Variants in AP3B1 observed in about 807,000 individuals in gnomAD.
AP3B1 encodes AP-3 complex subunit beta-1.
Under a neutral mutation model 132.5 loss-of-function variants are expected in AP3B1, and 61 were observed. The ratio of observed to expected loss-of-function variants is 0.46; its 90% CI spans 0.37 to 0.57. AP3B1 has a LOEUF of 0.57. AP3B1 is among the 20% of genes least tolerant of loss of function. The pLI, the probability that AP3B1 is intolerant of heterozygous loss-of-function variation, is 0.00. For synonymous variants in AP3B1, 388 were observed against 438.3 expected, an observed-to-expected ratio of 0.89 and a Z score of 1.43; for missense variants, 1,120 against 1,289.4, an observed-to-expected ratio of 0.87 and a Z score of 2.01.
intron 22 of AP3B1, among the ~76,000 whole-genome samples, chr5:78,058,464 C>T (rs1262169921): frequency 6.6e-6 from 1 of 151,804 alleles, no homozygotes; most frequent in Non-Finnish European, 1.5e-5. Flanking sequence ...CGCGCCATTG[C>T]ACTGCAGCCT....
intron 22 of AP3B1, among the ~76,000 whole-genome samples, chr5:78,064,857 T>A (rs1301247980): frequency 6.6e-6 from 1 of 152,172 alleles, no homozygotes; most frequent in Non-Finnish European, 1.5e-5. Flanking sequence ...ATGGGCTTGA[T>A]GGGAATAATT....
intron 3 of AP3B1, among the ~76,000 whole-genome samples, chr5:78,238,993 A>T (rs927059439): frequency 1.3e-5 from 2 of 151,274 alleles, no homozygotes; most frequent in Admixed American, 1.3e-4. Context: ...AAAAGAAATG[A>T]GAAGGTTGGA....
intron 7 of AP3B1, among the ~76,000 whole-genome samples, chr5:78,200,327 T>C (rs536928632): frequency 6.6e-6 from 1 of 152,254 alleles, no homozygotes; most frequent in African/African-American, 2.4e-5. Flanking sequence ...TTCAATTATC[T>C]AGTTATGGTT....
At chr5:78,215,933 A>C in intron 7 of AP3B1, 122 bp downstream of exon 7, 1 of 872,966 alleles carries the variant, frequency 1.1e-6, no homozygotes, top group Non-Finnish European at 1.8e-6. Context: ...ACAAGAGACA[A>C]ATGAGTCTTC....
At chr5:78,277,644 A>C (rs931917020) in intron 1 of AP3B1, among the ~76,000 whole-genome samples, 1 of 152,192 alleles carries the variant, frequency 6.6e-6, no homozygotes, top group Non-Finnish European at 1.5e-5. Flanking sequence ...AAAGAATCCA[A>C]AAGAAGATCT....
intron 21 of AP3B1, among the ~76,000 whole-genome samples, chr5:78,090,118 T>C (rs1044850909): frequency 6.6e-6 from 1 of 152,184 alleles, no homozygotes; most frequent in Non-Finnish European, 1.5e-5. Context: ...GGCTCATAAC[T>C]GCCTACAAGA....
chr5:78,095,363 C>A (rs759879298), intron 21 of AP3B1, among the ~76,000 whole-genome samples: 2 of 152,178 alleles, frequency 1.3e-5, no homozygotes, highest in Non-Finnish European at 2.9e-5. Flanking sequence ...GGCCTTCTTT[C>A]AAGATTAATC....
chr5:78,218,295 C>CA (rs1281066540), intron 6 of AP3B1, among the ~76,000 whole-genome samples: 6 of 151,770 alleles, frequency 4.0e-5, no homozygotes, highest in African/African-American at 1.5e-4. Context: ...TACTGGTTTC[C>CA]AAAAAACAGA....
intron 20 of AP3B1, among the ~76,000 whole-genome samples, chr5:78,109,319 C>A (rs1025253581): frequency 1.1e-4 from 17 of 152,066 alleles, no homozygotes; most frequent in Admixed American, 2.6e-4. Flanking sequence ...TGGGGGAGGG[C>A]AATTGTCTAC....
At chr5:78,210,683 G>T (rs1179004586) in intron 7 of AP3B1, among the ~76,000 whole-genome samples, 1 of 152,124 alleles carries the variant, frequency 6.6e-6, no homozygotes, top group African/African-American at 2.4e-5. Flanking sequence ...CCCAGAGAAA[G>T]TTCAGTTGTA....
intron 22 of AP3B1, among the ~76,000 whole-genome samples, chr5:78,044,570 C>T (rs1748240411): frequency 6.6e-6 from 1 of 152,096 alleles, no homozygotes. Context: ...AAAGGGAAGA[C>T]TATTTGAAAG....
chr5:78,109,968 A>ACC (rs147437738), intron 20 of AP3B1, among the ~76,000 whole-genome samples: 1 of 150,566 alleles, frequency 6.6e-6, no homozygotes, highest in African/African-American at 2.4e-5. Context: ...CTTCAGCAAA[A>ACC]CCCCCCCCTT....
intron 7 of AP3B1, among the ~76,000 whole-genome samples, chr5:78,206,086 T>C (rs982064468): frequency 1.3e-5 from 2 of 152,082 alleles, no homozygotes; most frequent in African/African-American, 4.8e-5. Flanking sequence ...CCACAACAAA[T>C]TTTAAAAATT....
At position 78,111,496 on chromosome 5, in the gene AP3B1, T is replaced by C. The variant is rs569787467; in HGVS notation, c.2250-1142A>G. 3.3e-5 allele frequency among the ~76,000 whole-genome samples: 5 copies of C among 152,262 alleles called. No individual in the cohort carries two copies. In the South Asian group the frequency reaches 6.2e-4, roughly 19 times the overall value. On this transcript the variant is annotated intron_variant, in intron 19 of 26. Coordinates refer to ENST00000255194, the MANE Select transcript of AP3B1 (RefSeq NM_003664.5). Reference sequence around the variant, plus strand: ...ATAATAAGTAATAAGTAATAAATTATAGCGTGTCAGGAGAACATGTGGAGA... The same window carrying C: ...ATAATAAGTAATAAGTAATAAATTACAGCGTGTCAGGAGAACATGTGGAGA...
intron 18 of AP3B1, among the ~76,000 whole-genome samples, chr5:78,114,348 T>C (rs1276780612): frequency 1.3e-5 from 2 of 152,098 alleles, no homozygotes; most frequent in African/African-American, 4.8e-5. Flanking sequence ...AACAGTTGAA[T>C]CTTCTTAGGA....
chr5:78,095,627 T>C (rs1195067146), intron 21 of AP3B1, among the ~76,000 whole-genome samples: 2 of 152,222 alleles, frequency 1.3e-5, no homozygotes, highest in African/African-American at 4.8e-5. Flanking sequence ...TCACTATACT[T>C]TGCATCTCTA....
chr5:78,249,572 T>C (rs1747540119), intron 2 of AP3B1, among the ~76,000 whole-genome samples: 1 of 149,532 alleles, frequency 6.7e-6, no homozygotes, highest in Admixed American at 6.8e-5. Flanking sequence ...ATGATTTTTT[T>C]CTTTTTCTTT....
intron 2 of AP3B1, among the ~76,000 whole-genome samples, chr5:78,241,753 C>CT: frequency 6.6e-6 from 1 of 152,346 alleles, no homozygotes; most frequent in Non-Finnish European, 1.5e-5. Context: ...TTCCACATCT[C>CT]TAACTAGACA....
intron 22 of AP3B1, among the ~76,000 whole-genome samples, chr5:78,079,592 G>A (rs1255517661): frequency 6.6e-6 from 1 of 152,136 alleles, no homozygotes; most frequent in Non-Finnish European, 1.5e-5. Context: ...ATAGAATTTG[G>A]AAGCACAAAA....
Sources: gnomAD v4.1 joint callset for allele counts (sites outside exome capture counted in the v4.1 genomes callset) on GRCh38, gnomAD v4.1.1 for gene constraint, MANE v1.5 for transcripts, NCBI Gene and HGNC (gene_info 2026-07-23, HGNC 2026-07-21) for gene names.